PHF14: variants seen among roughly 807,000 people sequenced by gnomAD.
The protein encoded by PHF14 is PHD finger protein 14.
In PHF14, 55 loss-of-function variants were observed where a neutral mutation model predicts 117.9. That is an observed-to-expected ratio of 0.47 (90% CI 0.38 to 0.58). PHF14 has a LOEUF of 0.58. PHF14 is among the 20% of genes least tolerant of loss of function. PHF14 has a pLI of 0.00. For missense variants in PHF14, 978 were observed against 1,122.2 expected (o/e 0.87, Z 1.84); for synonymous variants, 409 against 368.6 (o/e 1.11, Z -1.26).
intron 16 of PHF14, chr7:11,104,882 T>C (rs988418905): frequency 1.0e-6 from 1 of 970,918 alleles, no homozygotes; most frequent in South Asian, 4.8e-5. Context: ...GTATTTTTTT[T>C]AAAACATCGT....
chr7:11,127,917 T>A (rs1268723813), intron 17 of PHF14, among the ~76,000 whole-genome samples: 1 of 152,050 alleles, frequency 6.6e-6, no homozygotes, highest in African/African-American at 2.4e-5. Flanking sequence ...TTATCACTTC[T>A]TTCACTTCTT....
At chr7:11,138,332 C>T (rs929123769) in intron 17 of PHF14, among the ~76,000 whole-genome samples, 7 of 152,038 alleles carry the variant, frequency 4.6e-5, no homozygotes, top group South Asian at 2.1e-4. Flanking sequence ...TGAGCCACTG[C>T]GCCTGGCCGG....
intron 17 of PHF14, among the ~76,000 whole-genome samples, chr7:11,136,299 A>T (rs910199229): frequency 2.6e-5 from 4 of 152,158 alleles, no homozygotes; most frequent in African/African-American, 9.7e-5. Flanking sequence ...TTCAAGATGC[A>T]AACTGAAGGA....
chr7:11,097,298 G>A (rs1353286184), intron 16 of PHF14, among the ~76,000 whole-genome samples: 2 of 151,946 alleles, frequency 1.3e-5, no homozygotes, highest in African/African-American at 2.4e-5. Flanking sequence ...ACTTTTTAAC[G>A]TATTTTATTC....
chr7:11,021,221 T>C (rs184084188), intron 5 of PHF14, among the ~76,000 whole-genome samples: 68 of 152,352 alleles, frequency 4.5e-4, no homozygotes, highest in Middle Eastern at 3.4e-3. Flanking sequence ...GTGATGCTTA[T>C]TTCCTGTTCC....
chr7:11,137,946 T>C (rs556423254), intron 17 of PHF14, among the ~76,000 whole-genome samples: 65 of 152,140 alleles, frequency 4.3e-4, no homozygotes, highest in African/African-American at 1.5e-3. Flanking sequence ...CCTAGCTCTT[T>C]CCTTGTATAA....
chr7:11,153,909 T>C (rs990302274), intron 17 of PHF14, among the ~76,000 whole-genome samples: 8 of 151,524 alleles, frequency 5.3e-5, no homozygotes, highest in African/African-American at 1.7e-4. Flanking sequence ...TTATAATACA[T>C]AGAGGCAAGC....
At chr7:11,079,785 AT>A (rs1308734611) in intron 16 of PHF14, among the ~76,000 whole-genome samples, 1 of 152,010 alleles carries the variant, frequency 6.6e-6, no homozygotes, top group Non-Finnish European at 1.5e-5. Flanking sequence ...ATCAAAAATG[AT>A]TTTGTTTGTT....
At chr7:10,985,138 T>C (rs955302359) in intron 3 of PHF14, among the ~76,000 whole-genome samples, 7 of 152,170 alleles carry the variant, frequency 4.6e-5, no homozygotes, top group African/African-American at 1.7e-4. Context: ...TGATTATTAG[T>C]TATATTTCTA....
chr7:11,120,229 G>C (rs1787712233), intron 17 of PHF14, among the ~76,000 whole-genome samples: 1 of 151,926 alleles, frequency 6.6e-6, no homozygotes, highest in South Asian at 2.1e-4. Context: ...ACTATTTATA[G>C]TTACTTGTGA....
rs1787779306 is a variant in PHF14, at chr7:11,122,331, T to TA, written c.2772+10864_2772+10865insA. On this transcript the variant is annotated intron_variant, in intron 17 of 17. Coordinates refer to ENST00000634607, the MANE Select transcript of PHF14 (RefSeq NM_001007157.2). ...AAGGGGAGATTACTGTTTGTACTTT[T>TA]TATATATATATATATATATATACAC... Among the ~76,000 whole-genome samples the TA allele has an allele frequency of 2.5e-4, 21 of 84,064 alleles. 1 individual carries two copies. The highest frequency in any genetic ancestry group is 8.3e-4 in the African/African-American group (14 of 16,940). The allele number at this position is 84,064 out of a possible 152,430, so 55.1% of individuals were successfully genotyped here. A position where few individuals can be genotyped will look rare whatever the true frequency, so the allele number is the denominator to read the frequency against.
chr7:11,095,209 A>G (rs1444499236), intron 16 of PHF14, among the ~76,000 whole-genome samples: 2 of 152,208 alleles, frequency 1.3e-5, no homozygotes, highest in Non-Finnish European at 2.9e-5. Flanking sequence ...TAATTATTTT[A>G]TACACTTATT....
chr7:11,156,690 G>A (rs771723022), intron 17 of PHF14, among the ~76,000 whole-genome samples: 4 of 152,138 alleles, frequency 2.6e-5, no homozygotes, highest in Non-Finnish European at 5.9e-5. Context: ...AGCTACTCGG[G>A]AAGCTGAGGC....
At chr7:11,120,951 A>G (rs1344753198) in intron 17 of PHF14, among the ~76,000 whole-genome samples, 1 of 152,188 alleles carries the variant, frequency 6.6e-6, no homozygotes, top group Non-Finnish European at 1.5e-5. Flanking sequence ...TAGACTATAA[A>G]GGCATATTTT....
At chr7:11,102,522 C>T in intron 16 of PHF14, 3 of 1,611,000 alleles carry the variant, frequency 1.9e-6, no homozygotes, top group Non-Finnish European at 2.5e-6. Context: ...CACAGCTCAT[C>T]CTCGGAGGCA....
chr7:11,154,063 A>T (rs1038840089), intron 17 of PHF14, among the ~76,000 whole-genome samples: 2 of 151,946 alleles, frequency 1.3e-5, no homozygotes, highest in Non-Finnish European at 2.9e-5. Flanking sequence ...GGTAGGGTCT[A>T]CCATGATAAT....
At position 11,157,389 on chromosome 7, in the gene PHF14, C is replaced by CAAA. The variant is rs10693452; in HGVS notation, c.2773-12017_2773-12015dup. On this transcript the variant is annotated intron_variant, in intron 17 of 17. Coordinates refer to ENST00000634607, the MANE Select transcript of PHF14 (RefSeq NM_001007157.2). The stretch of plus-strand genomic sequence containing the variant: ...ACAATAAAGTCTGTCAATGGGTTAC[C>CAAA]AAAAAAAAAAAATAGGTGTTGATTG... 7.0e-3 allele frequency among the ~76,000 whole-genome samples: 1,022 copies of CAAA among 146,798 alleles called. 14 individuals are homozygous for CAAA. Among genetic ancestry groups the CAAA allele is most frequent in the African/African-American group, 0.024 (977 of 40,566 alleles).
At chr7:11,158,448 T>C (rs1788928100) in intron 17 of PHF14, among the ~76,000 whole-genome samples, 1 of 152,134 alleles carries the variant, frequency 6.6e-6, no homozygotes, top group Admixed American at 6.6e-5. Context: ...GTATACATAC[T>C]ATACATTACT....
intron 14 of PHF14, among the ~76,000 whole-genome samples, chr7:11,058,673 A>G (rs796695656): frequency 1.1e-4 from 17 of 152,304 alleles, no homozygotes; most frequent in African/African-American, 4.1e-4. Context: ...AGAAATCTTC[A>G]TTGGGCATCA....
Sources: allele counts gnomAD v4.1 joint callset (sites outside exome capture counted in the v4.1 genomes callset), GRCh38; gene constraint gnomAD v4.1.1; transcripts MANE v1.5; gene names NCBI Gene and HGNC (gene_info 2026-07-23, HGNC 2026-07-21).